Variants in DZIP3 observed in about 807,000 individuals in gnomAD.
DZIP3 encodes the protein E3 ubiquitin-protein ligase DZIP3.
A neutral mutation model predicts 162.0 loss-of-function variants in DZIP3; 118 were observed. That is an observed-to-expected ratio of 0.73 (90% confidence interval 0.63 to 0.85). The LOEUF (loss-of-function observed/expected upper bound fraction) is 0.85, where lower values mean the gene tolerates loss of function less well. DZIP3 is among the 40% of genes least tolerant of loss of function. The pLI is 0.00. For missense variants in DZIP3, 1,331 were observed against 1,407.0 expected, an observed-to-expected ratio of 0.95 and a Z score of 0.86; for synonymous variants, 438 against 458.6, an observed-to-expected ratio of 0.96 and a Z score of 0.57.
At chr3:108,662,868 G>A (rs780282418) in intron 21 of DZIP3, among the ~76,000 whole-genome samples, 5 of 152,122 alleles carry the variant, frequency 3.3e-5, no homozygotes, top group Non-Finnish European at 7.3e-5. Flanking sequence ...TTAAATAGTA[G>A]CATAGTTTGT....
At chr3:108,656,838 C>T (rs778109177) in intron 19 of DZIP3, among the ~76,000 whole-genome samples, 16 of 152,144 alleles carry the variant, frequency 1.1e-4, no homozygotes, top group East Asian at 1.9e-4. Context: ...AACTATGTGA[C>T]GAATGCACAA....
At chr3:108,686,147 A>G (rs571597840) in intron 27 of DZIP3, among the ~76,000 whole-genome samples, 79 of 152,310 alleles carry the variant, frequency 5.2e-4, no homozygotes, top group African/African-American at 1.9e-3. Flanking sequence ...AGCATGTCCT[A>G]TTTTAAAAAT....
chr3:108,644,453 A>G lies in DZIP3; in HGVS notation c.1431A>G (p.Leu477=). ...TCCTGTTAGCTCTTATAAAACATTTAAATGTGTTCCCTGCACCCAAAAAAG... is the reference window on the plus strand; with the variant it reads ...TCCTGTTAGCTCTTATAAAACATTTGAATGTGTTCCCTGCACCCAAAAAAG... The part of the protein sequence containing the change: ...LCLLLALIKH[L]NVFPAPKKGW... Residue 477 remains leucine, a synonymous_variant, in exon 14 of 33, where the codon TTA becomes TTG. Coordinates refer to ENST00000361582, the MANE Select transcript of DZIP3 (RefSeq NM_014648.4). The G allele has an allele frequency of 1.9e-6, 3 of 1,614,038 alleles. No individual in the cohort carries two copies. The highest frequency in any genetic ancestry group is 2.5e-6 in the Non-Finnish European group (3 of 1,179,966).
chr3:108,593,474 T>G (rs1939535834), intron 1 of DZIP3, among the ~76,000 whole-genome samples: 1 of 152,166 alleles, frequency 6.6e-6, no homozygotes. Flanking sequence ...TTTTTCTTTA[T>G]TCTCACATCA....
chr3:108,674,027 C>A, intron 23 of DZIP3, 51 bp from the exon 24 acceptor site: 1 of 1,330,334 alleles, frequency 7.5e-7, no homozygotes, highest in Non-Finnish European at 1.1e-6. Flanking sequence ...AGAGAATGTT[C>A]CTTTACAAGC....
At chr3:108,622,878 C>CTGTGTG (rs1323518919) in intron 5 of DZIP3, among the ~76,000 whole-genome samples, 96 of 79,484 alleles carry the variant, frequency 1.2e-3, no homozygotes, top group South Asian at 2.8e-3. Context: ...CTCTCTCTCT[C>CTGTGTG]TCTGTGTGTG....
At chr3:108,683,153 A>G (rs1944379263) in intron 26 of DZIP3, among the ~76,000 whole-genome samples, 1 of 150,748 alleles carries the variant, frequency 6.6e-6, no homozygotes. Context: ...ATATCATCCA[A>G]TTTATCCATT....
intron 6 of DZIP3, 121 bp downstream of exon 6, chr3:108,624,645 A>G (rs181844635): frequency 4.5e-5 from 22 of 490,314 alleles, no homozygotes; most frequent in African/African-American, 4.1e-4. Flanking sequence ...TTATAACTTC[A>G]TTTCTTTTAT....
At chr3:108,596,446 C>A (rs1939719893) in intron 1 of DZIP3, among the ~76,000 whole-genome samples, 1 of 152,162 alleles carries the variant, frequency 6.6e-6, no homozygotes, top group African/African-American at 2.4e-5. Context: ...CTTTTTAGGA[C>A]TGAACTCCCT....
intron 21 of DZIP3, among the ~76,000 whole-genome samples, chr3:108,665,533 TGA>T (rs61167248): frequency 0.019 from 2,893 of 152,124 alleles, 100 homozygotes; most frequent in African/African-American, 0.067. Flanking sequence ...GAGAGCAGAA[TGA>T]GAGAGAGACT....
At chr3:108,606,604 G>T (rs1178014855) in intron 2 of DZIP3, among the ~76,000 whole-genome samples, 2 of 152,162 alleles carry the variant, frequency 1.3e-5, no homozygotes, top group Non-Finnish European at 1.5e-5. Flanking sequence ...GAAGCATTGT[G>T]ATGGGTTTAC....
chr3:108,681,034 G>A (rs1281871570), intron 26 of DZIP3, among the ~76,000 whole-genome samples: 5 of 152,120 alleles, frequency 3.3e-5, no homozygotes, highest in African/African-American at 1.2e-4. Flanking sequence ...CAGGACATAG[G>A]CATGGGCAAA....
chr3:108,611,456 T>C (rs1689444318), intron 4 of DZIP3, 127 bp downstream of exon 4: 3 of 1,146,688 alleles, frequency 2.6e-6, no homozygotes, highest in Middle Eastern at 2.8e-4. Context: ...TTACTTCTTG[T>C]AAAGGGCTTT....
At chr3:108,625,105 T>C (rs1941533701) in intron 6 of DZIP3, among the ~76,000 whole-genome samples, 1 of 152,202 alleles carries the variant, frequency 6.6e-6, no homozygotes, top group Non-Finnish European at 1.5e-5. Flanking sequence ...TTGTTTAGTG[T>C]GATGTACTAG....
intron 21 of DZIP3, among the ~76,000 whole-genome samples, chr3:108,662,811 C>T (rs140145084): frequency 3.3e-5 from 5 of 152,226 alleles, no homozygotes; most frequent in South Asian, 2.1e-4. Flanking sequence ...AATTAGTAAC[C>T]TGCTTTGTTC....
At chr3:108,616,780 A>G in intron 5 of DZIP3, 123 bp downstream of exon 5, 3 of 649,078 alleles carry the variant, frequency 4.6e-6, no homozygotes, top group Non-Finnish European at 8.0e-6. Flanking sequence ...TTTTACCTCT[A>G]GAAAAGGGTA....
intron 19 of DZIP3, among the ~76,000 whole-genome samples, chr3:108,659,935 T>C (rs1284240316): frequency 1.3e-5 from 2 of 152,082 alleles, no homozygotes; most frequent in African/African-American, 2.4e-5. Flanking sequence ...TTACAAGGGA[T>C]GTGAAGGACC....
At chr3:108,674,820 T>C (rs1576457667) in intron 24 of DZIP3, among the ~76,000 whole-genome samples, 1 of 151,808 alleles carries the variant, frequency 6.6e-6, no homozygotes, top group East Asian at 1.9e-4. Context: ...TAAATTAGAA[T>C]CTCTGGGACC....
At chr3:108,603,406 T>G (rs146967146) in intron 1 of DZIP3, among the ~76,000 whole-genome samples, 151 of 152,298 alleles carry the variant, frequency 9.9e-4, no homozygotes, top group African/African-American at 3.2e-3. Flanking sequence ...ACAAGGTTTA[T>G]TCAACCTCTC....
Sources: allele counts gnomAD v4.1 joint callset (sites outside exome capture counted in the v4.1 genomes callset), GRCh38; gene constraint gnomAD v4.1.1; transcripts MANE v1.5; gene names NCBI Gene and HGNC (gene_info 2026-07-23, HGNC 2026-07-21).